SLC25A26: variants seen among roughly 807,000 people sequenced by gnomAD.
SLC25A26 encodes solute carrier family 25 member 26, also known as mitochondrial S-adenosylmethionine carrier protein.
SLC25A26 carries 36 observed loss-of-function variants against 37.8 expected under a neutral mutation model. The observed-to-expected ratio is 0.95, with a 90% CI of 0.73 to 1.26. The LOEUF is 1.26. SLC25A26 is among the 50% of genes most tolerant of loss of function. SLC25A26 has a pLI of 0.00. For missense variants in SLC25A26, 390 were observed against 331.1 expected (o/e 1.18, Z -1.38); for synonymous variants, 129 against 122.5 (o/e 1.05, Z -0.35).
intron 5 of SLC25A26, among the ~76,000 whole-genome samples, chr3:66,334,609 C>T (rs1034106241): frequency 6.6e-6 from 1 of 152,178 alleles, no homozygotes; most frequent in African/African-American, 2.4e-5. Context: ...AATTACTGCG[C>T]CGGGCCCTGA....
chr3:66,316,484 G>C (rs995299118), intron 5 of SLC25A26, among the ~76,000 whole-genome samples: 6 of 152,158 alleles, frequency 3.9e-5, no homozygotes, highest in African/African-American at 1.4e-4. Flanking sequence ...TGAGAGGTCT[G>C]CTCTTAGTCT....
intron 1 of SLC25A26, among the ~76,000 whole-genome samples, chr3:66,200,800 G>T (rs1239537844): frequency 6.6e-6 from 1 of 152,290 alleles, no homozygotes; most frequent in East Asian, 1.9e-4. Flanking sequence ...TACAGAGGTG[G>T]TATAAACCTT....
chr3:66,310,391 G>A lies in SLC25A26; in HGVS notation c.454-35973G>A, dbSNP rs575865564. On this transcript the variant is annotated intron_variant, in intron 5 of 9. Transcript: ENST00000354883. ...ATCCCTTTATTTTGAGCCTATTTGT[G>A]TCTTTGCATGTGATATGGGTCTCCT... Among the ~76,000 whole-genome samples the A allele has an allele frequency of 4.7e-4, 72 of 152,188 alleles. 1 individual carries two copies. The South Asian group carries it at 0.014, about 30-fold the overall frequency.
At chr3:66,364,585 A>G (rs2076785317) in intron 7 of SLC25A26, among the ~76,000 whole-genome samples, 1 of 152,192 alleles carries the variant, frequency 6.6e-6, no homozygotes, top group Non-Finnish European at 1.5e-5. Flanking sequence ...TGTAATGTAG[A>G]AGCAACAATT....
intron 5 of SLC25A26, among the ~76,000 whole-genome samples, chr3:66,341,689 A>T (rs1486587301): frequency 1.3e-5 from 2 of 152,166 alleles, no homozygotes; most frequent in African/African-American, 4.8e-5. Context: ...CTTTGGAAAG[A>T]TGCTTTAGGA....
chr3:66,207,914 G>C (rs1010041141), intron 1 of SLC25A26, among the ~76,000 whole-genome samples: 5 of 152,172 alleles, frequency 3.3e-5, no homozygotes, highest in Non-Finnish European at 7.4e-5. Flanking sequence ...TTATCAGCAA[G>C]ATAGAGGTAG....
At chr3:66,151,573 ACT>A (rs1416430390) in intron 1 of SLC25A26, among the ~76,000 whole-genome samples, 2 of 152,084 alleles carry the variant, frequency 1.3e-5, no homozygotes, top group Non-Finnish European at 2.9e-5. Flanking sequence ...TCCATGCCCA[ACT>A]CTCTGCACCC....
chr3:66,296,065 C>T (rs947973480), intron 5 of SLC25A26, among the ~76,000 whole-genome samples: 2 of 151,946 alleles, frequency 1.3e-5, no homozygotes, highest in South Asian at 2.1e-4. Context: ...TGCAATGAGC[C>T]GTGATCGCAC....
intron 5 of SLC25A26, among the ~76,000 whole-genome samples, chr3:66,287,095 G>C (rs931168632): frequency 6.6e-6 from 1 of 152,194 alleles, no homozygotes; most frequent in Non-Finnish European, 1.5e-5. Context: ...AGGAGATTGA[G>C]ACCATCCTGG....
chr3:66,249,036 A>T (rs1178696619), intron 3 of SLC25A26, among the ~76,000 whole-genome samples: 1 of 152,204 alleles, frequency 6.6e-6, no homozygotes, highest in African/African-American at 2.4e-5. Flanking sequence ...CCTACATAAT[A>T]TTTTAGTAGG....
chr3:66,225,554 A>G (rs1023688757), intron 1 of SLC25A26, among the ~76,000 whole-genome samples: 6 of 152,186 alleles, frequency 3.9e-5, no homozygotes, highest in African/African-American at 1.2e-4. Flanking sequence ...GGTCTCTGAC[A>G]TGCCCTGAAG....
chr3:66,219,231 G>A (rs901808288), upstream of SLC25A26, among the ~76,000 whole-genome samples: 1 of 152,280 alleles, frequency 6.6e-6, no homozygotes, highest in East Asian at 1.9e-4. Flanking sequence ...AGGGTTTATA[G>A]GAATGTGAAG....
At chr3:66,309,585 A>T (rs965105513) in intron 5 of SLC25A26, among the ~76,000 whole-genome samples, 1 of 151,718 alleles carries the variant, frequency 6.6e-6, no homozygotes, top group Non-Finnish European at 1.5e-5. Flanking sequence ...TAGTTCTTTT[A>T]ATTGTGATGT....
At chr3:66,204,731 T>G (rs1209432261) in intron 1 of SLC25A26, among the ~76,000 whole-genome samples, 1 of 152,180 alleles carries the variant, frequency 6.6e-6, no homozygotes, top group Non-Finnish European at 1.5e-5. Flanking sequence ...TGATTGCCGA[T>G]GGAGGCTGGC....
chr3:66,194,452 C>G (rs2071006548), intron 1 of SLC25A26, among the ~76,000 whole-genome samples: 1 of 152,214 alleles, frequency 6.6e-6, no homozygotes, highest in Non-Finnish European at 1.5e-5. Flanking sequence ...TCCTTATCAT[C>G]TGTAGTCCTC....
intron 5 of SLC25A26, among the ~76,000 whole-genome samples, chr3:66,299,447 C>T (rs1416108475): frequency 6.6e-6 from 1 of 152,110 alleles, no homozygotes; most frequent in African/African-American, 2.4e-5. Context: ...ACCTCAGCCT[C>T]CGAAAATGCT....
chr3:66,290,615 T>G lies in SLC25A26; in HGVS notation c.453+27236T>G, dbSNP rs550085325. The stretch of plus-strand genomic sequence containing the variant: ...GGTTCTGTTTATGTAATGGATTACA[T>G]TTGTTGATTTGCATATGTTGAACCA... On this transcript the variant is annotated intron_variant, in intron 5 of 9. Transcript: ENST00000354883. Among the ~76,000 whole-genome samples the G allele has an allele frequency of 2.0e-5, 3 of 152,310 alleles. No individual in the cohort carries two copies. The South Asian group carries it at 6.2e-4, about 32-fold the overall frequency.
intron 5 of SLC25A26, among the ~76,000 whole-genome samples, chr3:66,312,652 CGTCTGTGGGT>C (rs1430289507): frequency 2.6e-5 from 4 of 152,124 alleles, no homozygotes; most frequent in African/African-American, 9.7e-5. Flanking sequence ...GGAATCTCCT[CGTCTGTGGGT>C]TGCGAAGACT....
At position 66,275,426 on chromosome 3, in the gene SLC25A26, T is replaced by G. The variant is rs553372829; in HGVS notation, c.453+12047T>G. Among the ~76,000 whole-genome samples, 104 of 151,982 alleles carry G rather than the reference T, an allele frequency of 6.8e-4. 1 individual carries two copies. The highest frequency in any genetic ancestry group is 1.4e-3 in the Non-Finnish European group (93 of 67,876). Reference sequence around the variant, plus strand: ...AATAGTAAAAAAAAAAATTAATTACTGCTGTCTTCCCTTCACTAGAATGTA... The same window carrying G: ...AATAGTAAAAAAAAAAATTAATTACGGCTGTCTTCCCTTCACTAGAATGTA... On this transcript the variant is annotated intron_variant, in intron 5 of 9. Transcript: ENST00000354883.
Sources: gnomAD v4.1 joint callset for allele counts (sites outside exome capture counted in the v4.1 genomes callset) on GRCh38, gnomAD v4.1.1 for gene constraint, MANE v1.5 for transcripts, NCBI Gene and HGNC (gene_info 2026-07-23, HGNC 2026-07-21) for gene names.